PITPNC1: variants seen among roughly 807,000 people sequenced by gnomAD.
PITPNC1 encodes the protein cytoplasmic phosphatidylinositol transfer protein 1.
PITPNC1 carries 18 observed loss-of-function variants against 44.7 expected under a neutral mutation model. The ratio of observed to expected loss-of-function variants is 0.40; its 90% CI spans 0.28 to 0.60. The LOEUF (loss-of-function observed/expected upper bound fraction) is 0.60, where lower values mean the gene tolerates loss of function less well. Ranked by LOEUF, PITPNC1 falls within the 20% of genes least tolerant of loss-of-function variation. The probability of loss-of-function intolerance (pLI) is 0.39; values close to 1 mark genes in which losing one functional copy is unlikely to be tolerated. For synonymous variants in PITPNC1, 141 were observed against 149.6 expected (o/e 0.94, Z 0.42); for missense variants, 290 against 418.4 (o/e 0.69, Z 2.68).
intron 1 of PITPNC1, among the ~76,000 whole-genome samples, chr17:67,454,056 C>G (rs7502906): frequency 0.85 from 128,774 of 152,054 alleles, 55,074 homozygotes; most frequent in African/African-American, 0.9. Flanking sequence ...TTGGAGACCA[C>G]CCTGGCCAAC....
intron 1 of PITPNC1, among the ~76,000 whole-genome samples, chr17:67,394,117 C>T (rs369991477): frequency 1.3e-5 from 2 of 152,036 alleles, no homozygotes; most frequent in African/African-American, 2.4e-5. Context: ...AGATTACAAG[C>T]GTGAGCCACC....
chr17:67,473,148 A>T (rs529066487), intron 1 of PITPNC1, among the ~76,000 whole-genome samples: 45 of 151,710 alleles, frequency 3.0e-4, no homozygotes, highest in Middle Eastern at 3.4e-3. Flanking sequence ...AATGCTGGGA[A>T]TACAGGTGTG....
intron 6 of PITPNC1, among the ~76,000 whole-genome samples, chr17:67,656,725 C>T (rs1344558707): frequency 1.3e-5 from 2 of 152,032 alleles, no homozygotes; most frequent in Non-Finnish European, 2.9e-5. Context: ...TGGAAAGGCC[C>T]AGGGGATTTT....
At chr17:67,514,292 C>T (rs985470259) in intron 1 of PITPNC1, among the ~76,000 whole-genome samples, 3 of 151,914 alleles carry the variant, frequency 2.0e-5, no homozygotes, top group South Asian at 2.1e-4. Context: ...CTCTGCCTCC[C>T]GGGTTCAAGC....
At chr17:67,523,811 T>C (rs2040360241) in intron 1 of PITPNC1, among the ~76,000 whole-genome samples, 1 of 146,906 alleles carries the variant, frequency 6.8e-6, no homozygotes. Context: ...GAAACCGTTT[T>C]TTTTTTTTTT....
chr17:67,627,789 CTT>C (rs2144324877), intron 5 of PITPNC1, among the ~76,000 whole-genome samples: 1 of 152,190 alleles, frequency 6.6e-6, no homozygotes, highest in South Asian at 2.1e-4. Context: ...GAGCAAGCCT[CTT>C]TACTTCTTTC....
chr17:67,443,462 T>C (rs991626814), intron 1 of PITPNC1, among the ~76,000 whole-genome samples: 1 of 151,922 alleles, frequency 6.6e-6, no homozygotes, highest in Admixed American at 6.6e-5. Flanking sequence ...TTTATCTGTT[T>C]ACCGGTGTCC....
intron 5 of PITPNC1, among the ~76,000 whole-genome samples, chr17:67,580,963 C>T (rs2570055): frequency 0.05 from 7,611 of 152,268 alleles, 293 homozygotes; most frequent in African/African-American, 0.11. Flanking sequence ...GTGGGAGAAT[C>T]GCTTGAGCCC....
At chr17:67,495,878 G>A (rs943937346) in intron 1 of PITPNC1, among the ~76,000 whole-genome samples, 21 of 152,180 alleles carry the variant, frequency 1.4e-4, no homozygotes, top group African/African-American at 3.9e-4. Flanking sequence ...ATGTTGTCAC[G>A]CTGACATGAA....
intron 4 of PITPNC1, among the ~76,000 whole-genome samples, chr17:67,558,598 A>G (rs2040868912): frequency 6.6e-6 from 1 of 152,168 alleles, no homozygotes; most frequent in South Asian, 2.1e-4. Context: ...CAGGAAATGG[A>G]TAGCAGGGAC....
chr17:67,454,245 C>T (rs1487245191), intron 1 of PITPNC1, among the ~76,000 whole-genome samples: 3 of 140,702 alleles, frequency 2.1e-5, no homozygotes, highest in Non-Finnish European at 4.6e-5. Context: ...AGCAAGACTC[C>T]GTTCTCAAAA....
At chr17:67,614,017 G>A (rs1039634757) in intron 5 of PITPNC1, among the ~76,000 whole-genome samples, 9 of 149,834 alleles carry the variant, frequency 6.0e-5, no homozygotes, top group African/African-American at 2.0e-4. Context: ...GCCTAGGGAG[G>A]TTGAGGCTAC....
At chr17:67,477,703 G>C (rs1206868261) in intron 1 of PITPNC1, among the ~76,000 whole-genome samples, 2 of 152,094 alleles carry the variant, frequency 1.3e-5, no homozygotes, top group East Asian at 3.8e-4. Flanking sequence ...ACCGCATCAG[G>C]TCTGTTTAAT....
chr17:67,502,010 A>G (rs2040036899), intron 1 of PITPNC1, among the ~76,000 whole-genome samples: 1 of 152,228 alleles, frequency 6.6e-6, no homozygotes, highest in South Asian at 2.1e-4. Flanking sequence ...TAAATGAGCT[A>G]TTGTGCAGAA....
At chr17:67,616,716 G>C (rs1424074312) in intron 5 of PITPNC1, among the ~76,000 whole-genome samples, 1 of 152,074 alleles carries the variant, frequency 6.6e-6, no homozygotes, top group African/African-American at 2.4e-5. Flanking sequence ...TTCCCTCAAA[G>C]GGACCCCACT....
At chr17:67,599,017 TATATATATATA>T (rs2041498960) in intron 5 of PITPNC1, among the ~76,000 whole-genome samples, 1 of 35,940 alleles carries the variant, frequency 2.8e-5, no homozygotes, top group African/African-American at 1.4e-4. Context: ...TATATATATA[TATATATATATA>T]TATATATTTT....
intron 6 of PITPNC1, among the ~76,000 whole-genome samples, chr17:67,647,463 GGTTTTTTT>G (rs2042161852): frequency 6.6e-5 from 6 of 90,598 alleles, no homozygotes; most frequent in African/African-American, 1.5e-4. Flanking sequence ...GCTAATTTTG[GGTTTTTTT>G]TTTTTTTTTT....
intron 6 of PITPNC1, among the ~76,000 whole-genome samples, chr17:67,643,030 C>T (rs2042107607): frequency 6.6e-6 from 1 of 152,180 alleles, no homozygotes; most frequent in African/African-American, 2.4e-5. Flanking sequence ...AATGCCAGAT[C>T]AAAAGCAGAG....
Position 67,687,549 on chromosome 17 carries a change from ACACT to A in PITPNC1, c.683-5018_683-5015del, listed in dbSNP as rs373120599. On this transcript the variant is annotated intron_variant, in intron 8 of 8. Transcript: ENST00000581322. ...TCAGTAACTTTTAAAAACATAGCTA[ACACT>A]CACTTATTCATTCAAGGGAGGGCTT... 4.9e-3 allele frequency among the ~76,000 whole-genome samples: 752 copies of A among 152,338 alleles called. 6 individuals carry two copies. The highest frequency in any genetic ancestry group is 0.017 in the African/African-American group (725 of 41,580).
Sources: gnomAD v4.1 joint callset for allele counts (sites outside exome capture counted in the v4.1 genomes callset) on GRCh38, gnomAD v4.1.1 for gene constraint, MANE v1.5 for transcripts, NCBI Gene and HGNC (gene_info 2026-07-23, HGNC 2026-07-21) for gene names.